The following PLPP4 variants were observed in gnomAD, a reference collection of about 807,000 sequenced individuals.
PLPP4 encodes the protein phospholipid phosphatase 4, also known as diacylglycerol pyrophosphate like 2.
In PLPP4, 20 loss-of-function variants were observed where a neutral mutation model predicts 32.2. That is an observed-to-expected ratio of 0.62 (90% CI 0.44 to 0.90). PLPP4 has a LOEUF of 0.90. Ranked by LOEUF, PLPP4 falls within the 40% of genes least tolerant of loss-of-function variation. The pLI, the probability that PLPP4 is intolerant of heterozygous loss-of-function variation, is 0.00. For missense variants in PLPP4, 257 were observed against 353.1 expected (o/e 0.73, Z 2.18); for synonymous variants, 127 against 133.0 (o/e 0.95, Z 0.31).
At chr10:120,486,879 G>A (rs1440817899) in intron 1 of PLPP4, among the ~76,000 whole-genome samples, 1 of 152,160 alleles carries the variant, frequency 6.6e-6, no homozygotes, top group Non-Finnish European at 1.5e-5. Flanking sequence ...CTGCCTTAAG[G>A]TCAGCCCACC....
At chr10:120,546,103 T>C (rs1038671448) in intron 5 of PLPP4, among the ~76,000 whole-genome samples, 1 of 152,200 alleles carries the variant, frequency 6.6e-6, no homozygotes, top group Non-Finnish European at 1.5e-5. Flanking sequence ...CACTGTGGGC[T>C]TCCCTATTTT....
At chr10:120,554,017 T>G (rs1191658493) in intron 5 of PLPP4, among the ~76,000 whole-genome samples, 1 of 152,226 alleles carries the variant, frequency 6.6e-6, no homozygotes, top group Non-Finnish European at 1.5e-5. Flanking sequence ...CAGAAAATGT[T>G]TTTGTTTTTT....
At chr10:120,581,296 G>A in intron 6 of PLPP4, 1 of 985,344 alleles carries the variant, frequency 1.0e-6, no homozygotes, top group Non-Finnish European at 1.2e-6. Context: ...CTCCTGCTCA[G>A]CATATTTATA....
intron 1 of PLPP4, among the ~76,000 whole-genome samples, chr10:120,459,453 A>C (rs975860153): frequency 2.0e-5 from 3 of 152,352 alleles, no homozygotes; most frequent in Admixed American, 6.5e-5. Context: ...ATGCAGAAAC[A>C]GATGACCCTT....
chr10:120,562,360 G>A (rs189252418), intron 5 of PLPP4, among the ~76,000 whole-genome samples: 114 of 152,156 alleles, frequency 7.5e-4, no homozygotes, highest in South Asian at 3.1e-3. Context: ...TTTCTACATA[G>A]AAAATCATAC....
chr10:120,489,875 G>A (rs1355275588), intron 1 of PLPP4, among the ~76,000 whole-genome samples: 3 of 152,192 alleles, frequency 2.0e-5, no homozygotes, highest in African/African-American at 7.2e-5. Flanking sequence ...TGGAACAGCT[G>A]ACATGGATTT....
chr10:120,542,845 A>C (rs113073541), intron 5 of PLPP4, among the ~76,000 whole-genome samples: 1,630 of 152,296 alleles, frequency 0.011, 13 homozygotes, highest in Admixed American at 0.017. Context: ...GGGGCAAAAG[A>C]TGGCGTCATC....
At chr10:120,581,651 C>A (rs1849519266) in intron 6 of PLPP4, among the ~76,000 whole-genome samples, 1 of 152,168 alleles carries the variant, frequency 6.6e-6, no homozygotes, top group Non-Finnish European at 1.5e-5. Flanking sequence ...CACCTCAGAG[C>A]CTTTCCACAG....
intron 5 of PLPP4, among the ~76,000 whole-genome samples, chr10:120,543,415 G>A (rs939207149): frequency 6.6e-6 from 1 of 152,108 alleles, no homozygotes; most frequent in Non-Finnish European, 1.5e-5. Flanking sequence ...GCTGGAGCTT[G>A]TGAAGCCCTT....
intron 1 of PLPP4, among the ~76,000 whole-genome samples, chr10:120,460,041 A>G (rs1054641510): frequency 6.6e-6 from 1 of 152,204 alleles, no homozygotes. Context: ...CGCTCCCGCA[A>G]CCAACCCGTA....
intron 5 of PLPP4, among the ~76,000 whole-genome samples, chr10:120,547,932 TATATCATG>T (rs1480646430): frequency 6.6e-6 from 1 of 152,212 alleles, no homozygotes; most frequent in African/African-American, 2.4e-5. Context: ...TTATGAGGGT[TATATCATG>T]AAACTTTCCA....
intron 5 of PLPP4, among the ~76,000 whole-genome samples, chr10:120,539,347 T>C (rs1306871958): frequency 6.6e-6 from 1 of 152,208 alleles, no homozygotes; most frequent in Non-Finnish European, 1.5e-5. Context: ...TAATCAGCTT[T>C]ATAAGAGGGC....
At chr10:120,580,972 T>G in intron 6 of PLPP4, 1 of 1,289,276 alleles carries the variant, frequency 7.8e-7, no homozygotes. Flanking sequence ...TCTGGGAACC[T>G]CTGAACCTTG....
intron 2 of PLPP4, 77 bp downstream of exon 2, chr10:120,504,003 T>A: frequency 9.8e-7 from 1 of 1,024,684 alleles, no homozygotes; most frequent in Non-Finnish European, 1.5e-6. Context: ...TTTGTTTTTC[T>A]AACCCTGAAG....
intron 1 of PLPP4, among the ~76,000 whole-genome samples, chr10:120,473,322 T>C (rs373121666): frequency 7.2e-5 from 11 of 152,136 alleles, no homozygotes; most frequent in African/African-American, 2.7e-4. Flanking sequence ...TTTTCCAAGA[T>C]TGTATTCCTT....
intron 4 of PLPP4, among the ~76,000 whole-genome samples, chr10:120,520,275 G>A (rs1021121252): frequency 6.6e-6 from 1 of 152,168 alleles, no homozygotes; most frequent in Non-Finnish European, 1.5e-5. Context: ...GCATCATGGA[G>A]CTGAGTGTTC....
At chr10:120,518,352 C>T (rs1375087277) in intron 3 of PLPP4, among the ~76,000 whole-genome samples, 1 of 152,096 alleles carries the variant, frequency 6.6e-6, no homozygotes, top group Non-Finnish European at 1.5e-5. Context: ...CAGCTGTCGG[C>T]CGGTGATGGG....
chr10:120,554,731 G>A (rs1326391523), intron 5 of PLPP4, among the ~76,000 whole-genome samples: 11 of 152,046 alleles, frequency 7.2e-5, no homozygotes, highest in African/African-American at 2.4e-4. Flanking sequence ...CATGTCTTAC[G>A]TGGCTGGAGT....
At chr10:120,515,010 G>A (rs542766658) in intron 3 of PLPP4, among the ~76,000 whole-genome samples, 1 of 152,282 alleles carries the variant, frequency 6.6e-6, no homozygotes, top group Admixed American at 6.5e-5. Context: ...AAGGGAGTGA[G>A]TGTGAGAGCT....
Sources: allele counts gnomAD v4.1 joint callset (sites outside exome capture counted in the v4.1 genomes callset), GRCh38; gene constraint gnomAD v4.1.1; transcripts MANE v1.5; gene names NCBI Gene and HGNC (gene_info 2026-07-23, HGNC 2026-07-21).